Variants in DRC3 observed in about 807,000 individuals in gnomAD.
DRC3 encodes dynein regulatory complex subunit 3, also known as leucine rich repeat containing 48.
A neutral mutation model predicts 57.6 loss-of-function variants in DRC3; 45 were observed. The ratio of observed to expected loss-of-function variants is 0.78; its 90% CI spans 0.62 to 1.00. The LOEUF is 1.00. Ranked by LOEUF, DRC3 falls within the 50% of genes least tolerant of loss-of-function variation. The pLI is 0.00. For synonymous variants in DRC3, 257 were observed against 272.3 expected (o/e 0.94, Z 0.55); for missense variants, 655 against 675.2 (o/e 0.97, Z 0.33).
At position 18,016,193 on chromosome 17, in the gene DRC3, A is replaced by G. The variant is rs1284399301; in HGVS notation, c.1456A>G (p.Arg486Gly). ...CTCTTGGTGTACACGTTTAATAGACAGGGTGAGTCAATCCCAAGCCATCCT... is the reference window on the plus strand; with the variant it reads ...CTCTTGGTGTACACGTTTAATAGACGGGGTGAGTCAATCCCAAGCCATCCT... ...INSWCTRLID[R>G]IHKDEIMRNR... The change falls in exon 13 of 14, where the codon AGG becomes GGG. Residue 486 changes from arginine (R) to glycine (G), a missense_variant and splice_region_variant. Arg to Gly is a moderately radical substitution (Grantham distance 125, BLOSUM62 -2). Transcript: ENST00000399187. The G allele has an allele frequency of 3.7e-6, 6 of 1,613,468 alleles. No individual in the cohort carries two copies. In the African/African-American group the frequency reaches 8.0e-5, roughly 22 times the overall value.
chr17:18,016,581 GA>G lies in DRC3; in HGVS notation c.1484del (p.Asn495ThrfsTer5). The G allele has an allele frequency of 6.2e-7, 1 of 1,613,726 alleles. No individual in the cohort carries two copies. The stretch of plus-strand genomic sequence containing the variant: ...AGATTCACAAGGATGAGATCATGAG[GA>G]ACCGCAAGCGCGTGAAGGAGATCAA... ...DRIHKDEIMR[N>X]RKRVKEINQY... is the part of the protein sequence containing the mutation. On this transcript the variant is annotated frameshift_variant, in exon 14 of 14. Transcript: ENST00000399187. LOFTEE classifies it high-confidence loss of function.
chr17:17,994,122 T>C, intron 6 of DRC3, 177 bp from the exon 7 acceptor site: 1 of 756,428 alleles, frequency 1.3e-6, no homozygotes, highest in South Asian at 1.9e-5. Context: ...GTGAGGGTCA[T>C]CAGGAGATGG....
At chr17:18,002,262 G>C (rs2043766757) in intron 9 of DRC3, among the ~76,000 whole-genome samples, 2 of 152,134 alleles carry the variant, frequency 1.3e-5, no homozygotes, top group African/African-American at 4.8e-5. Flanking sequence ...TTCATGTAAG[G>C]CTTGAGGTAG....
rs1266661530 is a variant in DRC3, at chr17:18,008,759, G to C, written c.1326+1612G>C. On this transcript the variant is annotated intron_variant, in intron 12 of 13. Transcript: ENST00000399187. The surrounding 1 kb of genome is among the most constrained non-coding windows in gnomAD (Gnocchi z 4.3). ...AACACCACCTTCCCTGTGAAGTAAG[G>C]CTGTCCCTGAGTGCCCAGTTTGGAA... Among the ~76,000 whole-genome samples the C allele has an allele frequency of 6.6e-6, 1 of 152,200 alleles. No homozygotes were observed. Among genetic ancestry groups the C allele is most frequent in the Non-Finnish European group, 1.5e-5 (1 of 68,040 alleles).
Position 18,007,366 on chromosome 17 carries a change from A to G in DRC3, c.1326+219A>G, listed in dbSNP as rs117656857. The stretch of plus-strand genomic sequence containing the variant: ...GTGGGGCCCAGTTAAAGAGGAGCTC[A>G]TGATAATTAGATGGTTTCAACTTTC... On this transcript the variant is annotated intron_variant, in intron 12 of 13. Coordinates refer to ENST00000399187, the MANE Select transcript of DRC3 (RefSeq NM_031294.4). 2,442 of 1,549,324 alleles carry G rather than the reference A, an allele frequency of 1.6e-3. 24 individuals are homozygous for G. The East Asian group carries it at 0.027, about 17-fold the overall frequency.
intron 8 of DRC3, among the ~76,000 whole-genome samples, chr17:17,997,103 T>C (rs2043488936): frequency 6.6e-6 from 1 of 152,112 alleles, no homozygotes; most frequent in African/African-American, 2.4e-5. Flanking sequence ...TGGGACCGGC[T>C]CGCAGGCCCC....
intron 10 of DRC3, 21 bp downstream of exon 10, chr17:18,004,515 C>G (rs372851553): frequency 7.1e-5 from 114 of 1,604,536 alleles, no homozygotes; most frequent in Non-Finnish European, 7.6e-5. Context: ...GCCCTGGGCA[C>G]AAGTGCCAGA....
At chr17:17,974,401 C>T (rs1176621445) in intron 2 of DRC3, among the ~76,000 whole-genome samples, 3 of 152,084 alleles carry the variant, frequency 2.0e-5, no homozygotes, top group African/African-American at 7.2e-5. Flanking sequence ...GATGGAGTTT[C>T]GCTCTTGTTG....
chr17:18,010,981 G>A lies in DRC3; in HGVS notation c.1326+3834G>A, dbSNP rs540851607. 46 of 229,312 alleles carry A rather than the reference G, an allele frequency of 2.0e-4. 1 individual carries two copies. Among genetic ancestry groups the A allele is most frequent in the South Asian group, 1.9e-3 (39 of 20,622 alleles). The allele number at this position is 229,312 out of a possible 1,614,324, so 14.2% of individuals were successfully genotyped here. On this transcript the variant is annotated intron_variant, in intron 12 of 13. Coordinates refer to ENST00000399187, the MANE Select transcript of DRC3 (RefSeq NM_031294.4). ...TTGTTTGTTTGTTTGTTTTTGAGACGGAATTTTGCTTTTTTGCCCAGGCTG... is the reference window on the plus strand; with the variant it reads ...TTGTTTGTTTGTTTGTTTTTGAGACAGAATTTTGCTTTTTTGCCCAGGCTG...
chr17:18,002,188 A>C (rs536547068), intron 9 of DRC3, among the ~76,000 whole-genome samples: 6 of 152,244 alleles, frequency 3.9e-5, no homozygotes, highest in Admixed American at 3.3e-4. Flanking sequence ...AAAATCTCCC[A>C]GGTTTTCTGC....
intron 12 of DRC3, chr17:18,011,442 C>G (rs187628488): frequency 4.6e-6 from 1 of 218,644 alleles, no homozygotes; most frequent in African/African-American, 2.4e-5. Context: ...CTACTGTCCC[C>G]GTGCAGAGGC....
At chr17:17,977,787 C>T in intron 3 of DRC3, 29 bp downstream of exon 3, 1 of 1,540,688 alleles carries the variant, frequency 6.5e-7, no homozygotes, top group East Asian at 2.3e-5. Flanking sequence ...GGGGTGGTGG[C>T]CAGGGTGGGC....
chr17:18,009,072 G>A (rs902811517), intron 12 of DRC3, among the ~76,000 whole-genome samples: 40 of 152,218 alleles, frequency 2.6e-4, no homozygotes, highest in African/African-American at 8.9e-4. Flanking sequence ...CTTATACCAT[G>A]GCCTAAGTCT....
chr17:17,974,685 ACCT>A lies in DRC3; in HGVS notation c.-18+730_-18+732del, dbSNP rs2042303935. On this transcript the variant is annotated intron_variant, in intron 2 of 13. Transcript: ENST00000399187. ...ACCTAAAGGGCCTTTCCACAAAGTT[ACCT>A]CCTCCTTCTTTCCTGCTTGTCCTTC... Among the ~76,000 whole-genome samples, 5 of 152,114 alleles carry A rather than the reference ACCT, an allele frequency of 3.3e-5. No individual in the cohort carries two copies. The South Asian group carries it at 8.3e-4, about 25-fold the overall frequency.
In DRC3 at chr17:18,016,721, CAGG is replaced by C; in HGVS notation, c.*53_*55del. The stretch of plus-strand genomic sequence containing the variant: ...TTCAAAACATAGCACCAGCCCCAGC[CAGG>C]AGAAGGAAGTGCACACGCCTCACCC... On this transcript the variant is annotated 3_prime_UTR_variant, in exon 14 of 14. Coordinates refer to ENST00000399187, the MANE Select transcript of DRC3 (RefSeq NM_031294.4). 1 of 1,289,308 alleles carries C rather than the reference CAGG, an allele frequency of 7.8e-7. No individual in the cohort carries two copies. Among genetic ancestry groups the C allele is most frequent in the Non-Finnish European group, 1.1e-6 (1 of 894,560 alleles). The allele number at this position is 1,289,308 out of a possible 1,614,324, so 79.9% of individuals were successfully genotyped here.
intron 9 of DRC3, among the ~76,000 whole-genome samples, chr17:17,998,842 T>C (rs999880635): frequency 2.6e-5 from 4 of 152,254 alleles, no homozygotes; most frequent in Admixed American, 6.5e-5. Context: ...GGCTCACATA[T>C]GTGTTTTATG....
At chr17:18,009,388 G>T (rs138088748) in intron 12 of DRC3, among the ~76,000 whole-genome samples, 319 of 152,274 alleles carry the variant, frequency 2.1e-3, no homozygotes, top group Non-Finnish European at 3.3e-3. Flanking sequence ...GGGTGACAGA[G>T]CAAGACCCTG....
rs1298695188 is a variant in DRC3, at chr17:17,992,863, C to G, written c.543C>G (p.Tyr181Ter). ...ATTACAAGATGTTCATCTGTGCCTA[C>G]CTTCCTGACCTCATGTACCTGGACT... ...AEDYKMFICA[Y>*]LPDLMYLDYR... is the part of the protein sequence containing the mutation. Residue 181 changes from tyrosine (Y) to a stop codon, truncating the protein, a stop_gained, in exon 6 of 14, where the codon TAC becomes TAG. Coordinates refer to ENST00000399187, the MANE Select transcript of DRC3 (RefSeq NM_031294.4). LOFTEE classifies it high-confidence loss of function. 4 of 1,613,890 alleles carry G rather than the reference C, an allele frequency of 2.5e-6. No individual in the cohort carries two copies. In the African/African-American group the frequency reaches 4.0e-5, roughly 16 times the overall value.
upstream of DRC3, chr17:17,972,859 C>A (rs528869359): frequency 2.0e-5 from 3 of 153,178 alleles, no homozygotes; most frequent in African/African-American, 7.2e-5. Context: ...TCAACTTTCA[C>A]CCAGGATGTC....
Sources: gnomAD v4.1 joint callset for allele counts (sites outside exome capture counted in the v4.1 genomes callset) on GRCh38, gnomAD v4.1.1 for gene constraint, Gnocchi (gnomAD v3.1) non-coding constraint, MANE v1.5 for transcripts, NCBI Gene and HGNC (gene_info 2026-07-23, HGNC 2026-07-21) for gene names.